WDR59: variants seen among roughly 807,000 people sequenced by gnomAD.
WDR59 encodes WD repeat domain 59, also known as GATOR2 complex protein WDR59.
Under a neutral mutation model 131.2 loss-of-function variants are expected in WDR59, and 100 were observed. The observed-to-expected ratio is 0.76, with a 90% CI of 0.65 to 0.90. WDR59 has a LOEUF of 0.90. WDR59 is among the 40% of genes least tolerant of loss of function. The probability of loss-of-function intolerance (pLI) is 0.00; values close to 1 mark genes in which losing one functional copy is unlikely to be tolerated. For missense variants in WDR59, 1,203 were observed against 1,262.2 expected (o/e 0.95, Z 0.71); for synonymous variants, 601 against 466.2 (o/e 1.29, Z -3.72).
chr16:74,981,645 T>TATATAC (rs2034423554), intron 1 of WDR59, among the ~76,000 whole-genome samples: 4 of 13,216 alleles, frequency 3.0e-4, no homozygotes, highest in African/African-American at 1.1e-3. Flanking sequence ...TATATATATA[T>TATATAC]ATATATATAT....
chr16:74,906,028 G>A (rs879467891), intron 17 of WDR59, among the ~76,000 whole-genome samples: 2 of 151,520 alleles, frequency 1.3e-5, no homozygotes, highest in Non-Finnish European at 2.9e-5. Context: ...AAACCACAGT[G>A]AGACGGCCGG....
Position 74,917,972 on chromosome 16 carries a change from T to C in WDR59, c.923A>G (p.Asp308Gly). 1 of 1,614,034 alleles carries C rather than the reference T, an allele frequency of 6.2e-7. No individual in the cohort carries two copies. The highest frequency in any genetic ancestry group is 8.5e-7 in the Non-Finnish European group (1 of 1,179,974). ...KDYQLVTWSR[D>G]QTLRMWRVDS... Reference sequence around the variant, plus strand: ...CACCCGCCACATTCTCAAGGTCTGATCCCGGGACCACGTCACCAGTTGATA... The same window carrying C: ...CACCCGCCACATTCTCAAGGTCTGACCCCGGGACCACGTCACCAGTTGATA... Residue 308 changes from aspartate to glycine, a missense_variant, in exon 11 of 26, where the codon GAT becomes GGT. Coordinates refer to ENST00000262144, the MANE Select transcript of WDR59 (RefSeq NM_030581.4).
intron 1 of WDR59, among the ~76,000 whole-genome samples, chr16:74,966,476 T>C (rs1224015054): frequency 6.6e-6 from 1 of 151,908 alleles, no homozygotes; most frequent in Non-Finnish European, 1.5e-5. Context: ...TGAGACTCCA[T>C]CTCAAAAAAT....
At chr16:74,940,946 C>T (rs555507404) in intron 7 of WDR59, among the ~76,000 whole-genome samples, 3 of 152,084 alleles carry the variant, frequency 2.0e-5, no homozygotes, top group East Asian at 3.9e-4. Flanking sequence ...CCTCGTGATC[C>T]ACCCGCCTCA....
intron 1 of WDR59, among the ~76,000 whole-genome samples, chr16:74,969,104 T>G (rs1418415155): frequency 6.6e-6 from 1 of 152,166 alleles, no homozygotes; most frequent in Non-Finnish European, 1.5e-5. Flanking sequence ...ATGACCACAC[T>G]GCAAGTGAGG....
chr16:74,910,384 G>A (rs1966029765), intron 14 of WDR59, among the ~76,000 whole-genome samples: 2 of 152,256 alleles, frequency 1.3e-5, no homozygotes, highest in Non-Finnish European at 1.5e-5. Flanking sequence ...CCTCTACCGA[G>A]GTTAAAACAG....
intron 8 of WDR59, among the ~76,000 whole-genome samples, chr16:74,935,224 T>TG (rs1258911434): frequency 1.3e-5 from 2 of 151,356 alleles, no homozygotes; most frequent in Admixed American, 6.6e-5. Flanking sequence ...AGCAAGACTC[T>TG]GTCTCAAAAA....
Position 74,872,479 on chromosome 16 carries a change from G to C in WDR59, c.*1730C>G, listed in dbSNP as rs1345967434. ...GGAGGCTGAGGTGGGAGGATCACTT[G>C]AGCTCAGGTGATAGAGGCTACAGTG... On this transcript the variant is annotated 3_prime_UTR_variant, in exon 26 of 26. Coordinates refer to ENST00000262144, the MANE Select transcript of WDR59 (RefSeq NM_030581.4). 1 of 151,298 alleles carries C rather than the reference G, an allele frequency of 6.6e-6. No individual in the cohort carries two copies. The highest frequency in any genetic ancestry group is 1.5e-5 in the Non-Finnish European group (1 of 67,952). The allele number at this position is 151,298 out of a possible 1,614,324, so 9.4% of individuals were successfully genotyped here. A position where few individuals can be genotyped will look rare whatever the true frequency, so the allele number is the denominator to read the frequency against.
intron 24 of WDR59, 88 bp downstream of exon 24, chr16:74,886,182 A>AAAAAAAAAAAAAAAG: frequency 7.0e-7 from 1 of 1,435,342 alleles, no homozygotes; most frequent in Non-Finnish European, 9.4e-7. Flanking sequence ...GTGTCCAAAA[A>AAAAAAAAAAAAAAAG]AAAAAAAAGT....
chr16:74,984,809 C>A (rs1007681256), intron 1 of WDR59, 155 bp downstream of exon 1: 17 of 1,066,136 alleles, frequency 1.6e-5, no homozygotes, highest in Non-Finnish European at 2.2e-5. Context: ...TCTTCCCTCC[C>A]CCGACGGGGC....
chr16:74,915,164 A>G (rs1966303972), intron 13 of WDR59, among the ~76,000 whole-genome samples: 1 of 152,238 alleles, frequency 6.6e-6, no homozygotes, highest in South Asian at 2.1e-4. Flanking sequence ...AGCACAGCAC[A>G]GCACAGAGTG....
At chr16:74,887,792 T>C in intron 22 of WDR59, 37 bp from the exon 23 acceptor site, 1 of 1,580,922 alleles carries the variant, frequency 6.3e-7, no homozygotes, top group Non-Finnish European at 8.7e-7. Context: ...AGGACTAGCA[T>C]GAGAATACCA....
intron 8 of WDR59, among the ~76,000 whole-genome samples, chr16:74,937,185 A>C (rs769991612): frequency 1.6e-4 from 25 of 152,356 alleles, no homozygotes; most frequent in Non-Finnish European, 3.2e-4. Flanking sequence ...ATCCCATGTC[A>C]CAGAGAGGAA....
chr16:74,923,304 A>G (rs1199857761), intron 9 of WDR59, among the ~76,000 whole-genome samples: 3 of 152,130 alleles, frequency 2.0e-5, no homozygotes, highest in Non-Finnish European at 4.4e-5. Flanking sequence ...TTAAAGCCAG[A>G]GTTCCTTCCA....
chr16:74,910,300 C>A (rs966119481), intron 14 of WDR59, among the ~76,000 whole-genome samples: 1 of 152,126 alleles, frequency 6.6e-6, no homozygotes, highest in African/African-American at 2.4e-5. Context: ...AGTGGTCAGA[C>A]ACAAGGGTGA....
rs562349256 is a variant in WDR59, at chr16:74,905,362, C to T, written c.1713-1262G>A. On this transcript the variant is annotated intron_variant, in intron 17 of 25. Transcript: ENST00000262144. ...TGCACTCCAGCCTGGGCAACAAGAGCGAAACTCCGTCTCAAAAAATAAAAA... is the reference window on the plus strand; with the variant it reads ...TGCACTCCAGCCTGGGCAACAAGAGTGAAACTCCGTCTCAAAAAATAAAAA... Among the ~76,000 whole-genome samples, 20 of 144,362 alleles carry T rather than the reference C, an allele frequency of 1.4e-4. No individual in the cohort carries two copies. In the South Asian group the frequency reaches 3.3e-3, roughly 24 times the overall value. 94.7% of individuals were successfully genotyped at this position (144,362 alleles called of 152,430 possible).
At chr16:74,937,375 G>A (rs1051000944) in intron 8 of WDR59, among the ~76,000 whole-genome samples, 1 of 152,190 alleles carries the variant, frequency 6.6e-6, no homozygotes, top group African/African-American at 2.4e-5. Context: ...AAGCATGTGA[G>A]GGAGCAGCTG....
chr16:74,913,772 G>A (rs1043177175), intron 13 of WDR59, among the ~76,000 whole-genome samples: 3 of 152,194 alleles, frequency 2.0e-5, no homozygotes, highest in African/African-American at 4.8e-5. Context: ...GCCACGGGCT[G>A]AGGGAAGGGG....
intron 9 of WDR59, 62 bp downstream of exon 9, chr16:74,923,864 C>T: frequency 1.4e-6 from 2 of 1,428,420 alleles, no homozygotes; most frequent in Non-Finnish European, 1.9e-6. Flanking sequence ...TGTCCCCGGG[C>T]TCCTTCTTTT....
Sources: gnomAD v4.1 joint callset for allele counts (sites outside exome capture counted in the v4.1 genomes callset) on GRCh38, gnomAD v4.1.1 for gene constraint, MANE v1.5 for transcripts, NCBI Gene and HGNC (gene_info 2026-07-23, HGNC 2026-07-21) for gene names.